The following NEDD4L variants were observed in gnomAD, a reference collection of about 807,000 sequenced individuals.
NEDD4L encodes the protein NEDD4 like E3 ubiquitin protein ligase.
In NEDD4L, 54 loss-of-function variants were observed where a neutral mutation model predicts 148.9. The observed-to-expected ratio is 0.36, with a 90% CI of 0.29 to 0.45. NEDD4L has a LOEUF of 0.45. Among genes scored for constraint, NEDD4L ranks in the 20% least tolerant of loss-of-function variants. The probability of loss-of-function intolerance (pLI) is 1.00; values close to 1 mark genes in which losing one functional copy is unlikely to be tolerated. For missense variants in NEDD4L, 856 were observed against 1,233.8 expected, an observed-to-expected ratio of 0.69 and a Z score of 4.59; for synonymous variants, 433 against 440.7, an observed-to-expected ratio of 0.98 and a Z score of 0.22.
intron 2 of NEDD4L, chr18:58,189,895 T>C (rs950598442): frequency 2.0e-5 from 3 of 152,198 alleles, no homozygotes; most frequent in African/African-American, 7.2e-5. Context: ...CATATCTTTA[T>C]TGAATAAGAG....
chr18:58,214,636 TG>T (rs1568403462), intron 2 of NEDD4L, among the ~76,000 whole-genome samples: 50 of 150,078 alleles, frequency 3.3e-4, no homozygotes, highest in African/African-American at 1.2e-3. Context: ...TGTGTGTGTG[TG>T]TGTGTGTTTT....
intron 16 of NEDD4L, among the ~76,000 whole-genome samples, chr18:58,343,965 G>A (rs567590740): frequency 3.9e-5 from 6 of 152,180 alleles, no homozygotes; most frequent in East Asian, 1.9e-4. Flanking sequence ...TTTTTCTTCC[G>A]GTTATGTCCC....
At chr18:58,181,440 G>A (rs566619295) in intron 2 of NEDD4L, among the ~76,000 whole-genome samples, 2 of 152,228 alleles carry the variant, frequency 1.3e-5, no homozygotes, top group South Asian at 4.2e-4. Context: ...TCTATCTACG[G>A]ATTAATTAAT....
At chr18:58,204,100 G>A (rs572834366) in intron 2 of NEDD4L, among the ~76,000 whole-genome samples, 140 of 152,352 alleles carry the variant, frequency 9.2e-4, no homozygotes, top group Non-Finnish European at 1.7e-3. Flanking sequence ...GCCAAGGCGG[G>A]CAGATCATTT....
At chr18:58,244,598 A>G (rs1020965446) in intron 2 of NEDD4L, among the ~76,000 whole-genome samples, 1 of 152,192 alleles carries the variant, frequency 6.6e-6, no homozygotes, top group Non-Finnish European at 1.5e-5. Flanking sequence ...AGACTACTCA[A>G]ATTTATAACT....
At chr18:58,282,735 A>G (rs2053330364) in intron 5 of NEDD4L, among the ~76,000 whole-genome samples, 1 of 152,210 alleles carries the variant, frequency 6.6e-6, no homozygotes, top group Non-Finnish European at 1.5e-5. Flanking sequence ...AGCTCATGAA[A>G]TGGACTTCCC....
intron 2 of NEDD4L, among the ~76,000 whole-genome samples, chr18:58,207,433 A>C (rs953585863): frequency 6.6e-6 from 1 of 152,022 alleles, no homozygotes; most frequent in Non-Finnish European, 1.5e-5. Context: ...AGAATGGGTT[A>C]AGGCAGGCAG....
At chr18:58,262,454 C>A (rs1337901032) in intron 5 of NEDD4L, among the ~76,000 whole-genome samples, 1 of 152,008 alleles carries the variant, frequency 6.6e-6, no homozygotes, top group South Asian at 2.1e-4. Flanking sequence ...CATGGCGAAG[C>A]CTCATCTCTA....
At chr18:58,272,902 C>T (rs1031436573) in intron 5 of NEDD4L, among the ~76,000 whole-genome samples, 3 of 152,110 alleles carry the variant, frequency 2.0e-5, no homozygotes, top group Non-Finnish European at 4.4e-5. Context: ...AGTCAAATAC[C>T]TACATATTTT....
intron 24 of NEDD4L, among the ~76,000 whole-genome samples, chr18:58,374,956 C>A (rs1188006393): frequency 6.6e-6 from 1 of 152,216 alleles, no homozygotes; most frequent in East Asian, 1.9e-4. Flanking sequence ...CTCCAGAATT[C>A]CCAGGTCTAA....
chr18:58,099,131 A>G (rs1000146743), intron 1 of NEDD4L, among the ~76,000 whole-genome samples: 2 of 152,082 alleles, frequency 1.3e-5, no homozygotes, highest in Non-Finnish European at 2.9e-5. Context: ...GAATATCTGT[A>G]CCTGTTTGTG....
At chr18:58,164,580 C>T (rs2036614637) in intron 1 of NEDD4L, among the ~76,000 whole-genome samples, 1 of 152,184 alleles carries the variant, frequency 6.6e-6, no homozygotes, top group South Asian at 2.1e-4. Context: ...CAGCAATTCT[C>T]CTGCCTCAGC....
intron 1 of NEDD4L, among the ~76,000 whole-genome samples, chr18:58,124,980 G>T (rs761531836): frequency 2.0e-5 from 3 of 152,184 alleles, no homozygotes; most frequent in Non-Finnish European, 4.4e-5. Context: ...ATAGCTCACT[G>T]CAGCGTCAGA....
intron 1 of NEDD4L, among the ~76,000 whole-genome samples, chr18:58,082,051 G>A (rs931606442): frequency 7.5e-6 from 1 of 133,154 alleles, no homozygotes; most frequent in Non-Finnish European, 1.6e-5. Flanking sequence ...ACAGTTTGCA[G>A]TCTTTTTATT....
chr18:58,390,598 G>A, intron 28 of NEDD4L, 48 bp from the exon 29 acceptor site: 4 of 1,198,148 alleles, frequency 3.3e-6, no homozygotes, highest in Non-Finnish European at 4.9e-6. Context: ...AGCAGCATGT[G>A]CCATGGGTCA....
intron 16 of NEDD4L, among the ~76,000 whole-genome samples, chr18:58,348,109 C>T (rs2043333549): frequency 6.6e-6 from 1 of 151,924 alleles, no homozygotes; most frequent in Non-Finnish European, 1.5e-5. Context: ...AGGTGATCCT[C>T]CCACCTCAGC....
At chr18:58,210,921 G>A (rs1343654230) in intron 2 of NEDD4L, among the ~76,000 whole-genome samples, 1 of 152,030 alleles carries the variant, frequency 6.6e-6, no homozygotes. Context: ...GTAACACCAG[G>A]GTGATTAACT....
chr18:58,204,799 A>T (rs114887468), intron 2 of NEDD4L, among the ~76,000 whole-genome samples: 40 of 152,176 alleles, frequency 2.6e-4, no homozygotes, highest in African/African-American at 9.2e-4. Flanking sequence ...AAGGTCATCT[A>T]TGTGAATGTT....
At chr18:58,122,327 C>G (rs2030091202) in intron 1 of NEDD4L, among the ~76,000 whole-genome samples, 1 of 152,144 alleles carries the variant, frequency 6.6e-6, no homozygotes, top group South Asian at 2.1e-4. Flanking sequence ...CGGTGAAACC[C>G]CGTCTCTACT....
Sources: allele counts gnomAD v4.1 joint callset (sites outside exome capture counted in the v4.1 genomes callset), GRCh38; gene constraint gnomAD v4.1.1; transcripts MANE v1.5; gene names NCBI Gene and HGNC (gene_info 2026-07-23, HGNC 2026-07-21).